OR51B5: variants seen among roughly 807,000 people sequenced by gnomAD.
The protein encoded by OR51B5 is olfactory receptor 51B5.
For missense variants in OR51B5, 456 were observed against 374.6 expected (o/e 1.22, Z -1.79); for synonymous variants, 186 against 144.8 (o/e 1.28, Z -2.04).
intron 1 of OR51B5, among the ~76,000 whole-genome samples, chr11:5,411,526 C>A (rs1053277759): frequency 2.0e-5 from 3 of 152,010 alleles, no homozygotes; most frequent in Non-Finnish European, 2.9e-5. Flanking sequence ...GAAATAAGTC[C>A]CCATTCATGG....
chr11:5,437,631 A>G (rs1467358339), intron 1 of OR51B5, among the ~76,000 whole-genome samples: 1 of 152,236 alleles, frequency 6.6e-6, no homozygotes. Flanking sequence ...CCTGATTTAT[A>G]AAAAAGGATA....
chr11:5,400,623 AG>A lies in OR51B5; in HGVS notation n.85-53714del, dbSNP rs532474737. Among the ~76,000 whole-genome samples the A allele has an allele frequency of 2.4e-3, 364 of 152,304 alleles. 1 individual carries two copies. The highest frequency in any genetic ancestry group is 8.3e-3 in the African/African-American group (346 of 41,566). ...AAAGTATCTTGAACATTTCCTTTGT[AG>A]TACTTAATATAATTGCAACCAGCTT... On this transcript the variant is annotated intron_variant and non_coding_transcript_variant, in intron 1 of 4. Transcript: ENST00000415970.
chr11:5,342,872 A>G, exon 1 of OR51B5: 1 of 1,612,866 alleles, frequency 6.2e-7, no homozygotes, highest in Non-Finnish European at 8.5e-7. Flanking sequence ...CTTGAGTATC[A>G]ACACATAGGA....
intron 1 of OR51B5, among the ~76,000 whole-genome samples, chr11:5,396,192 T>G (rs949490316): frequency 6.6e-6 from 1 of 152,180 alleles, no homozygotes; most frequent in Admixed American, 6.5e-5. Context: ...CCACTCCTAT[T>G]CAACATAGTG....
At chr11:5,482,639 T>C (rs1164408231) in intron 1 of OR51B5, among the ~76,000 whole-genome samples, 1 of 114,468 alleles carries the variant, frequency 8.7e-6, no homozygotes, top group Non-Finnish European at 1.8e-5. Context: ...GAATCTACAA[T>C]GAACTCAAAC....
chr11:5,343,274 CAG>C lies in OR51B5; in HGVS notation c.249_250del (p.Trp84AlafsTer35). 2 of 1,612,912 alleles carry C rather than the reference CAG, an allele frequency of 1.2e-6. No homozygotes were observed. Among genetic ancestry groups the C allele is most frequent in the Non-Finnish European group, 1.7e-6 (2 of 1,179,382 alleles). On this transcript the variant is annotated frameshift_variant, in exon 1 of 1. Transcript: ENST00000300773. LOFTEE classifies it low-confidence loss of function (END_TRUNC). ...ACTTCCAATCTCCCTGTGATCCAGC[CAG>C]AGGACTCCCAGCACCGTGGGCATTG...
upstream of OR51B5, among the ~76,000 whole-genome samples, chr11:5,345,337 C>A (rs1354038769): frequency 1.3e-5 from 2 of 151,844 alleles, no homozygotes; most frequent in East Asian, 1.9e-4. Flanking sequence ...GTCATGGTGA[C>A]CTTGACTAGG....
intron 1 of OR51B5, chr11:5,392,387 T>C (rs1344672748): frequency 1.3e-5 from 2 of 152,228 alleles, no homozygotes; most frequent in African/African-American, 4.8e-5. Context: ...ATTCTATAGA[T>C]CTCATTTGGT....
chr11:5,357,255 G>A (rs532071550), intron 1 of OR51B5, among the ~76,000 whole-genome samples: 3 of 151,988 alleles, frequency 2.0e-5, no homozygotes, highest in African/African-American at 7.3e-5. Context: ...CACACACATA[G>A]GCTCAAAATA....
intron 1 of OR51B5, among the ~76,000 whole-genome samples, chr11:5,359,831 A>T (rs1393556869): frequency 6.6e-6 from 1 of 152,144 alleles, no homozygotes; most frequent in South Asian, 2.1e-4. Context: ...GGCCTCAGAA[A>T]TAATGCCGCA....
chr11:5,367,607 C>G (rs1849389938), intron 1 of OR51B5, among the ~76,000 whole-genome samples: 2 of 152,118 alleles, frequency 1.3e-5, no homozygotes, highest in South Asian at 2.1e-4. Context: ...TTACTGCAAA[C>G]TGTTTTTTCA....
chr11:5,414,730 C>A (rs1564805872), intron 1 of OR51B5, among the ~76,000 whole-genome samples: 1 of 152,050 alleles, frequency 6.6e-6, no homozygotes, highest in Non-Finnish European at 1.5e-5. Context: ...AAGAGCTATC[C>A]TAAATATATA....
intron 1 of OR51B5, among the ~76,000 whole-genome samples, chr11:5,376,042 A>C (rs957879880): frequency 7.2e-5 from 11 of 152,188 alleles, no homozygotes; most frequent in Non-Finnish European, 1.5e-4. Flanking sequence ...CCTATTCCAA[A>C]ATTGACCACA....
intron 1 of OR51B5, among the ~76,000 whole-genome samples, chr11:5,398,348 G>A (rs1849913503): frequency 6.6e-6 from 1 of 152,172 alleles, no homozygotes. Context: ...AGAGGCTAAT[G>A]TAATTACCTG....
intron 1 of OR51B5, among the ~76,000 whole-genome samples, chr11:5,430,158 T>A (rs1326298800): frequency 6.6e-6 from 1 of 152,148 alleles, no homozygotes; most frequent in Non-Finnish European, 1.5e-5. Context: ...ATGTAAACCA[T>A]GAATATCTGG....
intron 1 of OR51B5, among the ~76,000 whole-genome samples, chr11:5,414,645 A>G (rs1323597876): frequency 6.6e-6 from 1 of 152,116 alleles, no homozygotes; most frequent in Non-Finnish European, 1.5e-5. Flanking sequence ...AGTCTCTGAT[A>G]AAACAGACTT....
intron 1 of OR51B5, among the ~76,000 whole-genome samples, chr11:5,437,488 C>T (rs1850609147): frequency 6.6e-6 from 1 of 152,158 alleles, no homozygotes; most frequent in African/African-American, 2.4e-5. Context: ...CAAGTTACTA[C>T]AAGTTAAGGG....
At chr11:5,505,258 T>C in intron 1 of OR51B5, 1 of 1,238,592 alleles carries the variant, frequency 8.1e-7, no homozygotes, top group Middle Eastern at 2.2e-4. Flanking sequence ...AGGTTTTTTG[T>C]TTTTTTCCTC....
chr11:5,423,739 A>G (rs1162936578), intron 1 of OR51B5, among the ~76,000 whole-genome samples: 1 of 152,208 alleles, frequency 6.6e-6, no homozygotes, highest in East Asian at 1.9e-4. Context: ...CTAACACCCA[A>G]GTAATTTAAT....
Sources: allele counts gnomAD v4.1 joint callset (sites outside exome capture counted in the v4.1 genomes callset), GRCh38; gene constraint gnomAD v4.1.1; transcripts MANE v1.5; gene names NCBI Gene and HGNC (gene_info 2026-07-23, HGNC 2026-07-21).